Variants in RPS6KA2 observed in about 807,000 individuals in gnomAD.
The protein encoded by RPS6KA2 is ribosomal protein S6 kinase A2, also known as ribosomal protein S6 kinase alpha-2.
Under a neutral mutation model 91.8 loss-of-function variants are expected in RPS6KA2, and 42 were observed. The observed-to-expected ratio is 0.46, with a 90% CI of 0.36 to 0.59. The LOEUF is 0.59. Ranked by LOEUF, RPS6KA2 falls within the 20% of genes least tolerant of loss-of-function variation. The pLI is 0.00. For synonymous variants in RPS6KA2, 414 were observed against 393.6 expected (o/e 1.05, Z -0.61); for missense variants, 798 against 978.5 (o/e 0.82, Z 2.46).
rs115360805 is a variant in RPS6KA2, at chr6:166,602,147, G to T, written c.99+24774C>A. Among the ~76,000 whole-genome samples the T allele has an allele frequency of 5.3e-4, 80 of 152,312 alleles. 1 individual carries two copies. The highest frequency in any genetic ancestry group is 1.9e-3 in the African/African-American group (80 of 41,578). ...CTGGCCATCGGGCAGTGCGTGTTCC[G>T]GCCACGGTGGGACACCATCTCACAC... is the stretch of plus-strand genomic sequence containing the variant. On this transcript the variant is annotated intron_variant, in intron 1 of 20. Coordinates refer to ENST00000265678, the MANE Select transcript of RPS6KA2 (RefSeq NM_021135.6).
chr6:166,847,328 T>C (rs536411360), intron 2 of RPS6KA2, among the ~76,000 whole-genome samples: 1 of 152,256 alleles, frequency 6.6e-6, no homozygotes, highest in South Asian at 2.1e-4. Flanking sequence ...AAAATGACCA[T>C]ACTGCCAAAA....
chr6:166,535,907 G>GT (rs1783462476), intron 2 of RPS6KA2, among the ~76,000 whole-genome samples: 1 of 152,228 alleles, frequency 6.6e-6, no homozygotes. Flanking sequence ...CCCGCTGGTG[G>GT]TGAGTGCAGC....
At chr6:166,624,859 A>G (rs950282304) in intron 1 of RPS6KA2, among the ~76,000 whole-genome samples, 3 of 151,764 alleles carry the variant, frequency 2.0e-5, no homozygotes, top group Admixed American at 6.6e-5. Context: ...TTTTTGAGAC[A>G]AGTCTCGCTC....
rs140316950 is a variant in RPS6KA2 at position 166,635,854 on chromosome 6, G to A, written c.124-97070C>T. ...GGTGACCTGGGTGTGTCCGGTAAAGGGTGTCTTAAGTCTGACCCTGCTCGT... is the reference window on the plus strand; with the variant it reads ...GGTGACCTGGGTGTGTCCGGTAAAGAGTGTCTTAAGTCTGACCCTGCTCGT... On this transcript the variant is annotated intron_variant, in intron 2 of 21. Transcript: ENST00000503859. This position sits in a 1 kb window ranked among gnomAD's most constrained non-coding sequence, Gnocchi z 4.8. Among the ~76,000 whole-genome samples the A allele has an allele frequency of 5.2e-4, 79 of 152,128 alleles. No individual in the cohort carries two copies. Among genetic ancestry groups the A allele is most frequent in the African/African-American group, 1.8e-3 (74 of 41,504 alleles).
At chr6:166,515,441 T>TATCC (rs1364254083) in intron 3 of RPS6KA2, among the ~76,000 whole-genome samples, 1 of 152,230 alleles carries the variant, frequency 6.6e-6, no homozygotes, top group Non-Finnish European at 1.5e-5. Flanking sequence ...TAAAACATTT[T>TATCC]ATCCATTCAT....
chr6:166,468,856 T>TCCGCCTCAAAAAAAAAAAAAAAAAAA (rs567161437), intron 11 of RPS6KA2, among the ~76,000 whole-genome samples: 1 of 112,184 alleles, frequency 8.9e-6, no homozygotes, highest in Non-Finnish European at 1.8e-5. Context: ...AGAGCGAGAC[T>TCCGCCTCAAAAAAAAAAAAAAAAAAA]AAAAAAAAAA....
chr6:166,410,101 C>T lies in RPS6KA2; in HGVS notation c.*2661G>A, dbSNP rs1353338379. Reference sequence around the variant, plus strand: ...CCCTATAGGGTGGCCAGCAAGGGGCCACTGGCGGTAGGTCAGGAAGCCTGA... The same window carrying T: ...CCCTATAGGGTGGCCAGCAAGGGGCTACTGGCGGTAGGTCAGGAAGCCTGA... On this transcript the variant is annotated 3_prime_UTR_variant, in exon 21 of 21. Transcript: ENST00000265678. 6.6e-6 allele frequency: 1 copy of T among 150,480 alleles called. No homozygotes were observed. The highest frequency in any genetic ancestry group is 2.5e-5 in the African/African-American group (1 of 40,722). The allele number at this position is 150,480 out of a possible 1,614,324, so 9.3% of individuals were successfully genotyped here. A position where few individuals can be genotyped will look rare whatever the true frequency, so the allele number is the denominator to read the frequency against.
intron 2 of RPS6KA2, among the ~76,000 whole-genome samples, chr6:166,830,125 C>CAAAAA (rs34980248): frequency 1.0e-5 from 1 of 99,574 alleles, no homozygotes; most frequent in Non-Finnish European, 2.0e-5. Context: ...AACTCCATTT[C>CAAAAA]AAAAAAAAAA....
chr6:166,536,365 G>A (rs1251912984), intron 2 of RPS6KA2, among the ~76,000 whole-genome samples: 2 of 152,160 alleles, frequency 1.3e-5, no homozygotes, highest in Non-Finnish European at 2.9e-5. Flanking sequence ...TCTTGCATAA[G>A]GTTGTGTTAT....
chr6:166,514,201 C>T (rs1782563179), intron 3 of RPS6KA2, among the ~76,000 whole-genome samples: 1 of 152,222 alleles, frequency 6.6e-6, no homozygotes, highest in Admixed American at 6.5e-5. Flanking sequence ...CACCTCTTCT[C>T]CTGGCCCACT....
At chr6:166,655,296 G>A in intron 2 of RPS6KA2, among the ~76,000 whole-genome samples, 1 of 152,230 alleles carries the variant, frequency 6.6e-6, no homozygotes, top group East Asian at 1.9e-4. Context: ...CCTACAGGAA[G>A]AAAACACCAA....
chr6:166,541,280 G>C (rs1043515698), intron 1 of RPS6KA2, among the ~76,000 whole-genome samples: 4 of 152,238 alleles, frequency 2.6e-5, no homozygotes, highest in Non-Finnish European at 4.4e-5. Context: ...GGCGAGGCAC[G>C]AGCTGGCCAG....
At chr6:166,568,356 A>C (rs1784565860) in intron 1 of RPS6KA2, among the ~76,000 whole-genome samples, 1 of 152,158 alleles carries the variant, frequency 6.6e-6, no homozygotes, top group East Asian at 1.9e-4. Flanking sequence ...ACTCACGCCT[A>C]TTATCCCAGC....
At chr6:166,827,043 G>T (rs1001034400) in intron 2 of RPS6KA2, among the ~76,000 whole-genome samples, 8 of 152,078 alleles carry the variant, frequency 5.3e-5, no homozygotes, top group African/African-American at 1.9e-4. Context: ...GGAGACCTTG[G>T]TCAAAGAGCA....
chr6:166,470,807 G>C (rs769149988), intron 10 of RPS6KA2, among the ~76,000 whole-genome samples: 4 of 152,206 alleles, frequency 2.6e-5, no homozygotes, highest in Admixed American at 2.6e-4. Flanking sequence ...TGCAGTTTCT[G>C]TTCAGTTTTT....
chr6:166,806,804 A>AT (rs958082509), intron 2 of RPS6KA2, among the ~76,000 whole-genome samples: 6 of 139,888 alleles, frequency 4.3e-5, no homozygotes, highest in African/African-American at 8.5e-5. Flanking sequence ...CATTAAAAAA[A>AT]AAATTAGTTT....
chr6:166,417,267 C>A (rs1399161702), intron 19 of RPS6KA2, among the ~76,000 whole-genome samples: 2 of 152,184 alleles, frequency 1.3e-5, no homozygotes, highest in African/African-American at 4.8e-5. Context: ...TGCAATATCA[C>A]TAAAAGCATG....
intron 1 of RPS6KA2, among the ~76,000 whole-genome samples, chr6:166,622,691 T>C (rs570463416): frequency 3.3e-5 from 5 of 152,316 alleles, no homozygotes; most frequent in African/African-American, 9.6e-5. Flanking sequence ...TAGGATACCA[T>C]GTTTTCCTTA....
At chr6:166,788,988 C>G (rs1420018898) in intron 2 of RPS6KA2, among the ~76,000 whole-genome samples, 1 of 152,176 alleles carries the variant, frequency 6.6e-6, no homozygotes, top group Non-Finnish European at 1.5e-5. Context: ...GTTCATCTCA[C>G]TAGGGAGTGC....
Sources: allele counts gnomAD v4.1 joint callset (sites outside exome capture counted in the v4.1 genomes callset), GRCh38; gene constraint gnomAD v4.1.1; non-coding constraint Gnocchi (gnomAD v3.1); transcripts MANE v1.5; gene names NCBI Gene and HGNC (gene_info 2026-07-23, HGNC 2026-07-21).